The following GATAD2B variants were observed in gnomAD, a reference collection of about 807,000 sequenced individuals.
The protein encoded by GATAD2B is transcriptional repressor p66-beta.
A neutral mutation model predicts 64.3 loss-of-function variants in GATAD2B; 8 were observed. The observed-to-expected ratio is 0.12, with a 90% CI of 0.07 to 0.22. GATAD2B has a LOEUF of 0.22. Ranked by LOEUF, GATAD2B falls within the 10% of genes least tolerant of loss-of-function variation. GATAD2B has a pLI of 1.00. For synonymous variants in GATAD2B, 281 were observed against 271.3 expected (o/e 1.04, Z -0.35); for missense variants, 453 against 752.0 (o/e 0.60, Z 4.65).
intron 1 of GATAD2B, among the ~76,000 whole-genome samples, chr1:153,909,447 G>A (rs1038814862): frequency 8.6e-5 from 13 of 151,522 alleles, no homozygotes; most frequent in African/African-American, 2.9e-4. Context: ...TGATCCACCC[G>A]CCTTGGCCTC....
At chr1:153,875,728 TAAAC>T (rs1280627745) in intron 1 of GATAD2B, among the ~76,000 whole-genome samples, 12 of 108,484 alleles carry the variant, frequency 1.1e-4, no homozygotes, top group Non-Finnish European at 6.0e-5. Context: ...CTGGCTAAAA[TAAAC>T]TAGTAAGAAC....
At chr1:153,866,202 C>CAAAAAAAAAAAAAAAAAAAAAAAAAAAA (rs68135109) in intron 1 of GATAD2B, among the ~76,000 whole-genome samples, 1 of 99,768 alleles carries the variant, frequency 1.0e-5, no homozygotes, top group Non-Finnish European at 2.0e-5. Context: ...CACTAGGTCT[C>CAAAAAAAAAAAAAAAAAAAAAAAAAAAA]AAAAAAAAAA....
rs1674162575 is a variant in GATAD2B, at chr1:153,808,055, T to C, written c.*2122A>G. On this transcript the variant is annotated 3_prime_UTR_variant, in exon 11 of 11. Coordinates refer to ENST00000368655, the MANE Select transcript of GATAD2B (RefSeq NM_020699.4). Reference sequence around the variant, plus strand: ...AGGGCAAAGAAAAGATGTAAGAATATATCTTTATATATATATATATAATTT... The same window carrying C: ...AGGGCAAAGAAAAGATGTAAGAATACATCTTTATATATATATATATAATTT... The C allele has an allele frequency of 6.6e-6, 1 of 151,776 alleles. No homozygotes were observed. The highest frequency in any genetic ancestry group is 6.6e-5 in the Admixed American group (1 of 15,250). The allele number at this position is 151,776 out of a possible 1,614,324, so 9.4% of individuals were successfully genotyped here.
chr1:153,915,090 G>A (rs1468489754), intron 1 of GATAD2B, among the ~76,000 whole-genome samples: 2 of 152,188 alleles, frequency 1.3e-5, no homozygotes, highest in Non-Finnish European at 2.9e-5. Flanking sequence ...AGGTGTGGTG[G>A]CATGTGCCTA....
At chr1:153,811,902 G>C in intron 9 of GATAD2B, 54 bp from the exon 10 acceptor site, 1 of 1,355,574 alleles carries the variant, frequency 7.4e-7, no homozygotes, top group Non-Finnish European at 1.1e-6. Flanking sequence ...AATGTTAAGC[G>C]GGGGCAAAGA....
At chr1:153,852,504 C>T in intron 1 of GATAD2B, 1 of 764,510 alleles carries the variant, frequency 1.3e-6, no homozygotes. Flanking sequence ...GTGCTCTGCA[C>T]AGTGGGACTC....
At chr1:153,830,752 G>T (rs1245949211) in intron 1 of GATAD2B, among the ~76,000 whole-genome samples, 1 of 151,984 alleles carries the variant, frequency 6.6e-6, no homozygotes, top group African/African-American at 2.4e-5. Context: ...TGGGATTACA[G>T]GCGTGAGCCA....
At chr1:153,836,742 G>A (rs1422987178) in intron 1 of GATAD2B, among the ~76,000 whole-genome samples, 1 of 152,092 alleles carries the variant, frequency 6.6e-6, no homozygotes, top group Non-Finnish European at 1.5e-5. Context: ...TCTAAGTTTT[G>A]AGATATATTC....
intron 1 of GATAD2B, among the ~76,000 whole-genome samples, chr1:153,889,436 A>AAC (rs1677295531): frequency 6.8e-6 from 1 of 146,896 alleles, no homozygotes; most frequent in African/African-American, 2.5e-5. Context: ...AAAAAAAAAA[A>AAC]CACACAAAAC....
At chr1:153,895,594 A>AT (rs1193743966) in intron 1 of GATAD2B, among the ~76,000 whole-genome samples, 1 of 151,844 alleles carries the variant, frequency 6.6e-6, no homozygotes, top group Non-Finnish European at 1.5e-5. Context: ...AAAAATAAAA[A>AT]TAAAAAAAAA....
At chr1:153,914,851 C>T (rs1678215409) in intron 1 of GATAD2B, 1 of 152,058 alleles carries the variant, frequency 6.6e-6, no homozygotes, top group Admixed American at 6.6e-5. Context: ...TGCTTGAGCT[C>T]AGGAGTTCAA....
intron 1 of GATAD2B, among the ~76,000 whole-genome samples, chr1:153,887,952 T>C (rs1042632120): frequency 2.0e-5 from 3 of 151,958 alleles, no homozygotes; most frequent in African/African-American, 7.3e-5. Flanking sequence ...CCGGGCATGG[T>C]GGCAGGCACC....
chr1:153,908,442 C>G (rs1404923268), intron 1 of GATAD2B, among the ~76,000 whole-genome samples: 1 of 151,450 alleles, frequency 6.6e-6, no homozygotes, highest in African/African-American at 2.4e-5. Flanking sequence ...AACGGTGGAG[C>G]AGAAATTTGA....
intron 1 of GATAD2B, among the ~76,000 whole-genome samples, chr1:153,855,789 C>T (rs905025201): frequency 1.3e-5 from 2 of 152,128 alleles, no homozygotes; most frequent in Non-Finnish European, 2.9e-5. Flanking sequence ...GATTCTCCCA[C>T]CTCAGCCTCT....
chr1:153,864,705 C>CT (rs1359998292), intron 1 of GATAD2B, among the ~76,000 whole-genome samples: 9 of 152,008 alleles, frequency 5.9e-5, no homozygotes, highest in Non-Finnish European at 1.2e-4. Flanking sequence ...AACCAAGTAT[C>CT]TAATTCTCAG....
chr1:153,877,142 C>G (rs551576216), intron 1 of GATAD2B, among the ~76,000 whole-genome samples: 1 of 152,102 alleles, frequency 6.6e-6, no homozygotes, highest in Non-Finnish European at 1.5e-5. Flanking sequence ...TGAGACCAGC[C>G]TGGGAAAAAC....
At chr1:153,890,377 A>T (rs942650930) in intron 1 of GATAD2B, among the ~76,000 whole-genome samples, 3 of 150,046 alleles carry the variant, frequency 2.0e-5, no homozygotes, top group Admixed American at 6.7e-5. Context: ...AGTCCCAGCT[A>T]CTCAGGAGGC....
At chr1:153,876,044 T>C (rs1055109563) in intron 1 of GATAD2B, among the ~76,000 whole-genome samples, 12 of 151,396 alleles carry the variant, frequency 7.9e-5, no homozygotes, top group Non-Finnish European at 1.5e-4. Flanking sequence ...GTGGCCAATA[T>C]GGTGAAACCC....
intron 1 of GATAD2B, among the ~76,000 whole-genome samples, chr1:153,839,075 C>T (rs1169020988): frequency 7.6e-6 from 1 of 132,134 alleles, no homozygotes; most frequent in Non-Finnish European, 1.5e-5. Context: ...GGTCACTTCA[C>T]TCCAGCCTGG....
Sources: allele counts gnomAD v4.1 joint callset (sites outside exome capture counted in the v4.1 genomes callset), GRCh38; gene constraint gnomAD v4.1.1; transcripts MANE v1.5; gene names NCBI Gene and HGNC (gene_info 2026-07-23, HGNC 2026-07-21).